The following PTCHD4 variants were observed in gnomAD, a reference collection of about 807,000 sequenced individuals.
The protein encoded by PTCHD4 is patched domain containing 4.
Under a neutral mutation model 58.1 loss-of-function variants are expected in PTCHD4, and 33 were observed. The ratio of observed to expected loss-of-function variants is 0.57; its 90% CI spans 0.43 to 0.76. PTCHD4 has a LOEUF of 0.76. Among genes scored for constraint, PTCHD4 ranks in the 30% least tolerant of loss-of-function variants. The pLI is 0.00. For missense variants in PTCHD4, 1,058 were observed against 1,027.1 expected (o/e 1.03, Z -0.41); for synonymous variants, 478 against 409.6 (o/e 1.17, Z -2.02).
At chr6:47,927,719 G>A (rs1337944038) in intron 4 of PTCHD4, among the ~76,000 whole-genome samples, 1 of 151,768 alleles carries the variant, frequency 6.6e-6, no homozygotes, top group Non-Finnish European at 1.5e-5. Flanking sequence ...GAGAATATTG[G>A]ATTAAATTAT....
chr6:47,925,042 T>C (rs1042186414), intron 4 of PTCHD4, among the ~76,000 whole-genome samples: 2 of 149,738 alleles, frequency 1.3e-5, no homozygotes, highest in Non-Finnish European at 3.0e-5. Context: ...TGTATATGTA[T>C]AGCGCTTACA....
At position 47,860,015 on chromosome 6, in the gene PTCHD4, TGTCTGTGAAGAGATG is replaced by T. The variant is rs1581791172; in HGVS notation, c.*18273_*18287del. 1.3e-5 allele frequency among the ~76,000 whole-genome samples: 2 copies of T among 152,170 alleles called. No homozygotes were observed. Among genetic ancestry groups the T allele is most frequent in the East Asian group, 3.9e-4 (2 of 5,142 alleles). ...TTCGTGAATCTCCCACCCAAGTTAA[TGTCTGTGAAGAGATG>T]GTTCTTTTGTTTAGGCAGATAAAAT... is the stretch of plus-strand genomic sequence containing the variant. On this transcript the variant is annotated 3_prime_UTR_variant, in exon 5 of 5. Transcript: ENST00000339488.
At chr6:47,908,973 T>C (rs1764985128) in intron 4 of PTCHD4, among the ~76,000 whole-genome samples, 1 of 151,508 alleles carries the variant, frequency 6.6e-6, no homozygotes, top group South Asian at 2.1e-4. Flanking sequence ...AAAAAGTCTC[T>C]CTCTCAGGAA....
At chr6:48,033,672 A>T (rs1294681006) in intron 3 of PTCHD4, among the ~76,000 whole-genome samples, 1 of 152,056 alleles carries the variant, frequency 6.6e-6, no homozygotes, top group East Asian at 1.9e-4. Context: ...ACAATAGAAA[A>T]GAGCAAAACA....
chr6:48,079,467 A>G (rs1209794884), intron 1 of PTCHD4, among the ~76,000 whole-genome samples: 1 of 152,108 alleles, frequency 6.6e-6, no homozygotes, highest in East Asian at 1.9e-4. Context: ...ATTATCAAAT[A>G]TCAACATTCA....
chr6:47,951,567 A>G (rs1766652604), intron 4 of PTCHD4, among the ~76,000 whole-genome samples: 1 of 152,184 alleles, frequency 6.6e-6, no homozygotes, highest in East Asian at 1.9e-4. Context: ...TCAGTTCTAT[A>G]CTCAGAAATC....
chr6:47,902,717 T>A (rs532426727), intron 4 of PTCHD4, among the ~76,000 whole-genome samples: 9 of 152,324 alleles, frequency 5.9e-5, no homozygotes, highest in Non-Finnish European at 1.2e-4. Context: ...CTAATCTTTC[T>A]TTTTCTATGG....
intron 4 of PTCHD4, among the ~76,000 whole-genome samples, chr6:48,003,997 T>C (rs1181367935): frequency 2.0e-5 from 3 of 152,214 alleles, no homozygotes; most frequent in Non-Finnish European, 4.4e-5. Flanking sequence ...TCTGCTTTAT[T>C]TGTTTTATTT....
intron 4 of PTCHD4, among the ~76,000 whole-genome samples, chr6:47,943,508 T>C (rs1766309274): frequency 6.6e-6 from 1 of 152,150 alleles, no homozygotes; most frequent in East Asian, 1.9e-4. Flanking sequence ...AAAGTTATTG[T>C]ATTAATTATC....
chr6:47,985,209 G>C (rs1172996651), intron 4 of PTCHD4, among the ~76,000 whole-genome samples: 1 of 151,864 alleles, frequency 6.6e-6, no homozygotes, highest in Admixed American at 6.6e-5. Context: ...AGCTGACATA[G>C]TTGAATAAAA....
rs1351972984 is a variant in PTCHD4 at position 47,876,350 on chromosome 6, T to TTCCTGTTGAAACCCAATTACC, written c.*1932_*1952dup. Among the ~76,000 whole-genome samples the TTCCTGTTGAAACCCAATTACC allele has an allele frequency of 3.4e-4, 52 of 152,118 alleles. No individual in the cohort carries two copies. Among genetic ancestry groups the TTCCTGTTGAAACCCAATTACC allele is most frequent in the African/African-American group, 1.2e-3 (51 of 41,544 alleles). On this transcript the variant is annotated 3_prime_UTR_variant, in exon 5 of 5. Transcript: ENST00000339488. ...ACACAATGGAGAAGACATAGATCAT[T>TTCCTGTTGAAACCCAATTACC]TCCTGTTGAAACCCAATTACCTCAA...
chr6:47,919,726 G>A (rs1006274413), intron 4 of PTCHD4, among the ~76,000 whole-genome samples: 1 of 152,068 alleles, frequency 6.6e-6, no homozygotes, highest in Admixed American at 6.6e-5. Context: ...ACAGGGCAGT[G>A]TTAGGCTGTG....
At chr6:48,100,926 T>A (rs10948395) in intron 1 of PTCHD4, among the ~76,000 whole-genome samples, 2 of 152,170 alleles carry the variant, frequency 1.3e-5, no homozygotes, top group African/African-American at 4.8e-5. Flanking sequence ...ACCATGTTTG[T>A]TTCATTATGT....
chr6:47,972,417 G>T (rs887677343), intron 4 of PTCHD4, among the ~76,000 whole-genome samples: 4 of 152,072 alleles, frequency 2.6e-5, no homozygotes, highest in Admixed American at 2.0e-4. Flanking sequence ...AATATTTTAT[G>T]ATAGGGAAGA....
At chr6:47,946,925 C>A (rs998151268) in intron 4 of PTCHD4, among the ~76,000 whole-genome samples, 5 of 152,070 alleles carry the variant, frequency 3.3e-5, no homozygotes, top group African/African-American at 7.2e-5. Context: ...CTCTTTGCAA[C>A]CTTGACCTCC....
intron 3 of PTCHD4, among the ~76,000 whole-genome samples, chr6:48,013,715 G>A (rs999536859): frequency 6.6e-6 from 1 of 152,120 alleles, no homozygotes; most frequent in Non-Finnish European, 1.5e-5. Context: ...CCACTTTGAT[G>A]TGGAATTCTA....
chr6:48,101,295 A>G (rs1227755467), intron 1 of PTCHD4, among the ~76,000 whole-genome samples: 1 of 152,204 alleles, frequency 6.6e-6, no homozygotes, highest in Non-Finnish European at 1.5e-5. Flanking sequence ...AAAGAGGCCT[A>G]TTTTATTATG....
chr6:48,076,075 A>G (rs1351268285), intron 1 of PTCHD4, among the ~76,000 whole-genome samples: 1 of 152,210 alleles, frequency 6.6e-6, no homozygotes, highest in Non-Finnish European at 1.5e-5. Flanking sequence ...AATTTATGTA[A>G]TGTTCTAAGT....
At chr6:47,988,722 T>A (rs900587485) in intron 4 of PTCHD4, among the ~76,000 whole-genome samples, 5 of 152,204 alleles carry the variant, frequency 3.3e-5, no homozygotes, top group African/African-American at 1.2e-4. Context: ...AAAGTGCCTT[T>A]CATCTCCCAC....
Sources: allele counts gnomAD v4.1 joint callset (sites outside exome capture counted in the v4.1 genomes callset), GRCh38; gene constraint gnomAD v4.1.1; transcripts MANE v1.5; gene names NCBI Gene and HGNC (gene_info 2026-07-23, HGNC 2026-07-21).